Variants in UACA observed in about 807,000 individuals in gnomAD.
The protein encoded by UACA is nuclear membrane binding protein.
Under a neutral mutation model 160.5 loss-of-function variants are expected in UACA, and 112 were observed. The ratio of observed to expected loss-of-function variants is 0.70; its 90% CI spans 0.60 to 0.82. The LOEUF (loss-of-function observed/expected upper bound fraction) is 0.82. Ranked by LOEUF, UACA falls within the 40% of genes least tolerant of loss-of-function variation. The probability of loss-of-function intolerance (pLI) is 0.00; values close to 1 mark genes in which losing one functional copy is unlikely to be tolerated. For synonymous variants in UACA, 557 were observed against 568.4 expected (o/e 0.98, Z 0.29); for missense variants, 1,574 against 1,614.6 (o/e 0.97, Z 0.43).
At chr15:70,756,957 G>T (rs1443786158) in intron 1 of UACA, among the ~76,000 whole-genome samples, 2 of 152,084 alleles carry the variant, frequency 1.3e-5, no homozygotes, top group East Asian at 1.9e-4. Flanking sequence ...CAAATAATTC[G>T]ATATCATCAA....
intron 5 of UACA, among the ~76,000 whole-genome samples, chr15:70,688,121 C>CAA (rs1897795928): frequency 1.3e-5 from 2 of 152,074 alleles, no homozygotes; most frequent in Non-Finnish European, 2.9e-5. Context: ...TTTGTACTTA[C>CAA]AGTATATTTT....
At chr15:70,711,458 A>C (rs1283343745) in intron 1 of UACA, among the ~76,000 whole-genome samples, 1 of 151,536 alleles carries the variant, frequency 6.6e-6, no homozygotes, top group Non-Finnish European at 1.5e-5. Context: ...GGTCAGGAGG[A>C]CAAGACCAGC....
At chr15:70,766,838 C>T (rs768954780), upstream of UACA, among the ~76,000 whole-genome samples, 1 of 152,134 alleles carries the variant, frequency 6.6e-6, no homozygotes, top group Non-Finnish European at 1.5e-5. Flanking sequence ...ACCCAGGGGA[C>T]CTGCCAGAAC....
At chr15:70,765,562 T>C (rs1424163669), upstream of UACA, among the ~76,000 whole-genome samples, 1 of 152,226 alleles carries the variant, frequency 6.6e-6, no homozygotes, top group African/African-American at 2.4e-5. Flanking sequence ...CCTTATTTCA[T>C]TACTGGACTT....
At chr15:70,681,502 T>C (rs192291517) in intron 9 of UACA, 126 of 152,346 alleles carry the variant, frequency 8.3e-4, no homozygotes, top group African/African-American at 3.0e-3. Flanking sequence ...CACTTCAATA[T>C]TTCCTAGAGC....
chr15:70,756,299 T>A lies in UACA; in HGVS notation c.78+7031A>T, dbSNP rs117474507. On this transcript the variant is annotated intron_variant, in intron 1 of 18. Transcript: ENST00000322954. Reference sequence around the variant, plus strand: ...CTCCTGCCTCAGCCTCCCTAGTAGCTGAGACTACAAATGACCATGCCCAGC... The same window carrying A: ...CTCCTGCCTCAGCCTCCCTAGTAGCAGAGACTACAAATGACCATGCCCAGC... 8.2e-3 allele frequency among the ~76,000 whole-genome samples: 1,242 copies of A among 152,072 alleles called. 106 individuals are homozygous for A. In the East Asian group the frequency reaches 0.18, roughly 22 times the overall value.
At chr15:70,727,366 T>C (rs139777414) in intron 1 of UACA, among the ~76,000 whole-genome samples, 1 of 152,314 alleles carries the variant, frequency 6.6e-6, no homozygotes, top group East Asian at 1.9e-4. Context: ...TTTTTCTCAT[T>C]TTATTAAATT....
intron 1 of UACA, chr15:70,703,018 A>G (rs1898418612): frequency 9.8e-7 from 1 of 1,019,498 alleles, no homozygotes; most frequent in Non-Finnish European, 1.3e-6. Flanking sequence ...TAAACACTAA[A>G]GGAGGCAAAT....
At position 70,763,536 on chromosome 15, in the gene UACA, G is replaced by C; in HGVS notation, c.-129C>G. On this transcript the variant is annotated 5_prime_UTR_variant, in exon 1 of 19. Transcript: ENST00000322954. ...CAGCCCCACCTGCCTGCCACCTGCG[G>C]GCCCCGGGCAGCAGACGTCGACAGG... is the stretch of plus-strand genomic sequence containing the variant. 1 of 1,246,100 alleles carries C rather than the reference G, an allele frequency of 8.0e-7. No individual in the cohort carries two copies. The highest frequency in any genetic ancestry group is 1.0e-6 in the Non-Finnish European group (1 of 991,560). 77.2% of individuals were successfully genotyped at this position (1,246,100 alleles called of 1,614,324 possible).
intron 1 of UACA, among the ~76,000 whole-genome samples, chr15:70,723,853 C>T (rs1899067042): frequency 1.3e-5 from 2 of 151,968 alleles, no homozygotes; most frequent in African/African-American, 2.4e-5. Flanking sequence ...AGGATGGTCT[C>T]GATCTCCTGA....
intron 7 of UACA, among the ~76,000 whole-genome samples, chr15:70,685,650 C>T (rs1025776207): frequency 1.3e-5 from 2 of 152,142 alleles, no homozygotes; most frequent in African/African-American, 4.8e-5. Flanking sequence ...CACTGCCCTG[C>T]TTCATTGGCT....
At chr15:70,703,325 T>C in intron 1 of UACA, 1 of 1,249,300 alleles carries the variant, frequency 8.0e-7, no homozygotes, top group Non-Finnish European at 1.0e-6. Context: ...AGGAAGTAGC[T>C]GCTATATTAT....
chr15:70,753,868 C>T (rs191797025), intron 1 of UACA, among the ~76,000 whole-genome samples: 4 of 152,266 alleles, frequency 2.6e-5, no homozygotes, highest in African/African-American at 7.2e-5. Context: ...TGCAGTGGCG[C>T]GATCTCGGCT....
chr15:70,705,988 T>C (rs768298483), intron 1 of UACA, among the ~76,000 whole-genome samples: 5 of 152,138 alleles, frequency 3.3e-5, no homozygotes, highest in Non-Finnish European at 7.4e-5. Flanking sequence ...ATGAATCAAG[T>C]GATAAGATGC....
the UACA span, among the ~76,000 whole-genome samples, chr15:70,769,077 GGC>G: frequency 6.6e-6 from 1 of 151,860 alleles, no homozygotes; most frequent in Non-Finnish European, 1.5e-5. Flanking sequence ...CTCACTTTCG[GGC>G]CCGGCGCGGT....
At chr15:70,728,449 G>C (rs896508296) in intron 1 of UACA, among the ~76,000 whole-genome samples, 1 of 151,724 alleles carries the variant, frequency 6.6e-6, no homozygotes. Context: ...TGTAACCCCA[G>C]CTACTCAGGA....
At chr15:70,772,904 C>T in the UACA span, among the ~76,000 whole-genome samples, 1 of 152,080 alleles carries the variant, frequency 6.6e-6, no homozygotes, top group Non-Finnish European at 1.5e-5. Context: ...GCCTGGCCAA[C>T]ATGGTGAAAC....
At chr15:70,680,486 T>C (rs1296175181) in intron 9 of UACA, among the ~76,000 whole-genome samples, 1 of 152,234 alleles carries the variant, frequency 6.6e-6, no homozygotes, top group African/African-American at 2.4e-5. Context: ...TAAACTATCA[T>C]TCAAATGAGT....
the UACA span, among the ~76,000 whole-genome samples, chr15:70,778,581 G>T: frequency 2.6e-5 from 4 of 152,098 alleles, no homozygotes; most frequent in Non-Finnish European, 4.4e-5. Flanking sequence ...TGATTAGATT[G>T]GACCCACCCA....
Sources: gnomAD v4.1 joint callset for allele counts (sites outside exome capture counted in the v4.1 genomes callset) on GRCh38, gnomAD v4.1.1 for gene constraint, MANE v1.5 for transcripts, NCBI Gene and HGNC (gene_info 2026-07-23, HGNC 2026-07-21) for gene names.